POU2F2: variants seen among roughly 807,000 people sequenced by gnomAD.
POU2F2 encodes POU domain, class 2, transcription factor 2.
In POU2F2, 14 loss-of-function variants were observed where a neutral mutation model predicts 63.5. That is an observed-to-expected ratio of 0.22 (90% confidence interval 0.15 to 0.34). The LOEUF (loss-of-function observed/expected upper bound fraction) is 0.34. Ranked by LOEUF, POU2F2 falls within the 10% of genes least tolerant of loss-of-function variation. The probability of loss-of-function intolerance (pLI) is 1.00; values close to 1 mark genes in which losing one functional copy is unlikely to be tolerated. For synonymous variants in POU2F2, 306 were observed against 348.6 expected (o/e 0.88, Z 1.36); for missense variants, 607 against 815.2 (o/e 0.74, Z 3.11).
rs1469168142 is a variant in POU2F2 at position 42,091,286 on chromosome 19, C to T, written c.1846G>A (p.Gly616Arg). The change falls in exon 15 of 15, where the codon GGG becomes AGG. Residue 616 changes from glycine to arginine, a missense_variant. By Grantham distance (125) the Gly-to-Arg change is moderately radical (BLOSUM62 -2). Coordinates refer to ENST00000692977, the MANE Select transcript of POU2F2 (RefSeq NM_001394376.1). ...TCAGGTTTGGACCCTGCCTCGGGCC[C>T]CCCTGGACCTCCAGGGGTCTGTGCT... The part of the protein sequence containing the change: ...TAAQTPGGPG[G>R]PEAGSKPE The T allele has an allele frequency of 6.5e-7, 1 of 1,533,420 alleles. No homozygotes were observed. The highest frequency in any genetic ancestry group is 2.0e-5 in the Admixed American group (1 of 50,948). 95.0% of individuals were successfully genotyped at this position (1,533,420 alleles called of 1,614,324 possible).
chr19:42,190,112 T>C (rs747377902), intron 1 of POU2F2, among the ~76,000 whole-genome samples: 2 of 151,822 alleles, frequency 1.3e-5, no homozygotes, highest in Non-Finnish European at 2.9e-5. Flanking sequence ...AGAGGGAAGG[T>C]GTGGAAACAG....
chr19:42,100,008 TTC>T (rs1568988675), intron 5 of POU2F2, among the ~76,000 whole-genome samples, 187 bp from the exon 6 acceptor site: 1 of 151,442 alleles, frequency 6.6e-6, no homozygotes, highest in African/African-American at 2.4e-5. Context: ...ACCCAGAGGC[TTC>T]TCTCTACCAT....
In POU2F2 at chr19:42,087,676, G is replaced by A. The variant is rs1280859853; in HGVS notation, c.*3581C>T. 2 of 151,288 alleles carry A rather than the reference G, an allele frequency of 1.3e-5. No individual in the cohort carries two copies. The highest frequency in any genetic ancestry group is 2.9e-5 in the Non-Finnish European group (2 of 67,898). 9.4% of individuals were successfully genotyped at this position (151,288 alleles called of 1,614,324 possible). On this transcript the variant is annotated 3_prime_UTR_variant, in exon 15 of 15. Coordinates refer to ENST00000692977, the MANE Select transcript of POU2F2 (RefSeq NM_001394376.1). ...TCTCTGTCCCTCCCTTAAGTAGGAGGTCAGGGTTGGGGAGAAGAGAAATTC... is the reference window on the plus strand; with the variant it reads ...TCTCTGTCCCTCCCTTAAGTAGGAGATCAGGGTTGGGGAGAAGAGAAATTC...
chr19:42,131,328 C>T (rs2033709890), intron 1 of POU2F2, among the ~76,000 whole-genome samples: 1 of 152,136 alleles, frequency 6.6e-6, no homozygotes, highest in Non-Finnish European at 1.5e-5. Context: ...CACAGAACTA[C>T]TCAATAGATA....
Position 42,090,929 on chromosome 19 carries a change from T to A in POU2F2, c.*328A>T, listed in dbSNP as rs1345840482. 4.6e-6 allele frequency: 1 copy of A among 215,084 alleles called. No individual in the cohort carries two copies. The highest frequency in any genetic ancestry group is 9.2e-6 in the Non-Finnish European group (1 of 108,874). 13.3% of individuals were successfully genotyped at this position (215,084 alleles called of 1,614,324 possible). On this transcript the variant is annotated 3_prime_UTR_variant, in exon 15 of 15. Transcript: ENST00000692977. This position sits in a 1 kb window ranked among gnomAD's most constrained non-coding sequence, Gnocchi z 4.4. The stretch of plus-strand genomic sequence containing the variant: ...AGCAGTGAGGGTGAGCACGCTGAGG[T>A]CTGGCTCGCGACTGGTTTTTTGGTT...
intron 1 of POU2F2, among the ~76,000 whole-genome samples, chr19:42,183,290 T>TA (rs997475282): frequency 6.6e-6 from 1 of 152,160 alleles, no homozygotes; most frequent in African/African-American, 2.4e-5. Flanking sequence ...CAGTTACTGA[T>TA]ACACACAGCA....
intron 1 of POU2F2, among the ~76,000 whole-genome samples, chr19:42,195,311 T>C (rs2035129025): frequency 6.7e-6 from 1 of 150,066 alleles, no homozygotes; most frequent in Non-Finnish European, 1.5e-5. Flanking sequence ...TTCCTTCCCT[T>C]CCTTCCCTCC....
In POU2F2 at chr19:42,162,074, A is replaced by T. The variant is rs141647045; in HGVS notation, c.-69-1682T>A. ...ATTGGTGTAAGTGATGGGGTGGGCGAGGGAATCCCCAGGCCTCGGGGGGGC... is the reference window on the plus strand; with the variant it reads ...ATTGGTGTAAGTGATGGGGTGGGCGTGGGAATCCCCAGGCCTCGGGGGGGC... On this transcript the variant is annotated intron_variant, in intron 1 of 6. Coordinates refer to the POU2F2 transcript ENST00000524801. This position sits in a 1 kb window ranked among gnomAD's most constrained non-coding sequence, Gnocchi z 4.1. Among the ~76,000 whole-genome samples, 1,893 of 152,174 alleles carry T rather than the reference A, an allele frequency of 0.012. 21 individuals carry two copies. Among genetic ancestry groups the T allele is most frequent in the Non-Finnish European group, 0.019 (1,313 of 67,994 alleles).
At chr19:42,186,927 A>G (rs1466254878) in intron 1 of POU2F2, among the ~76,000 whole-genome samples, 3 of 152,154 alleles carry the variant, frequency 2.0e-5, no homozygotes, top group Admixed American at 1.3e-4. Flanking sequence ...TGAACCTCTT[A>G]TATCTGAGGT....
chr19:42,133,174 C>G (rs926796205), upstream of POU2F2: 1 of 152,160 alleles, frequency 6.6e-6, no homozygotes, highest in Non-Finnish European at 1.5e-5. The surrounding 1 kb of genome is among the most constrained non-coding windows in gnomAD (Gnocchi z 5.1). Context: ...AGGGGAGCAC[C>G]AGGTCCCCGG....
At chr19:42,132,076 C>A (rs1267684912) in intron 1 of POU2F2, among the ~76,000 whole-genome samples, 3 of 152,194 alleles carry the variant, frequency 2.0e-5, no homozygotes, top group African/African-American at 7.2e-5. Flanking sequence ...ATGTCACCCA[C>A]CCCACTGGTT....
At chr19:42,158,543 C>G (rs2034498063) in intron 2 of POU2F2, among the ~76,000 whole-genome samples, 1 of 152,212 alleles carries the variant, frequency 6.6e-6, no homozygotes, top group Non-Finnish European at 1.5e-5. Context: ...GGTGCCAACA[C>G]CCACTTCACA....
chr19:42,181,412 T>G (rs777985149), intron 1 of POU2F2, among the ~76,000 whole-genome samples: 6 of 152,230 alleles, frequency 3.9e-5, no homozygotes, highest in Non-Finnish European at 7.3e-5. Flanking sequence ...TGCATGTACA[T>G]GGCTCTTCCT....
Position 42,092,398 on chromosome 19 carries a change from G to A in POU2F2, c.1265-128C>T. 1 of 735,612 alleles carries A rather than the reference G, an allele frequency of 1.4e-6. No homozygotes were observed. Among genetic ancestry groups the A allele is most frequent in the South Asian group, 1.6e-5 (1 of 64,144 alleles). The allele number at this position is 735,612 out of a possible 1,614,324, so 45.6% of individuals were successfully genotyped here. A position where few individuals can be genotyped will look rare whatever the true frequency, so the allele number is the denominator to read the frequency against. The stretch of plus-strand genomic sequence containing the variant: ...CATCTCCTCAGTCAGAACAGCCTTA[G>A]ACCTCCCTGCCCTCTCTTCCCAGAG... On this transcript the variant is annotated intron_variant, in intron 12 of 14. Coordinates refer to ENST00000692977, the MANE Select transcript of POU2F2 (RefSeq NM_001394376.1). This position sits in a 1 kb window ranked among gnomAD's most constrained non-coding sequence, Gnocchi z 5.0.
intron 1 of POU2F2, among the ~76,000 whole-genome samples, chr19:42,174,571 C>T (rs893680233): frequency 1.3e-5 from 2 of 151,328 alleles, no homozygotes; most frequent in Non-Finnish European, 2.9e-5. Flanking sequence ...AGTACCCAAC[C>T]CCCCACTGAA....
chr19:42,179,853 C>A (rs146698905), upstream of POU2F2, among the ~76,000 whole-genome samples: 1 of 152,162 alleles, frequency 6.6e-6, no homozygotes, highest in African/African-American at 2.4e-5. Context: ...ACTCCCTGTA[C>A]GGAGCAGCCT....
rs2032130352 is a variant in POU2F2, at chr19:42,117,872, C to T, written c.187-440G>A. 6.6e-6 allele frequency among the ~76,000 whole-genome samples: 1 copy of T among 151,380 alleles called. No homozygotes were observed. The highest frequency in any genetic ancestry group is 1.5e-5 in the Non-Finnish European group (1 of 67,892). ...ACCTGGGAGGTCAAATAAGTGGCTT[C>T]TGGGTCCCACACCCTTCATCTGTAT... On this transcript the variant is annotated intron_variant, in intron 4 of 14. Transcript: ENST00000692977. The surrounding 1 kb of genome is among the most constrained non-coding windows in gnomAD (Gnocchi z 4.4).
At chr19:42,164,556 G>A (rs2034612469) in intron 1 of POU2F2, among the ~76,000 whole-genome samples, 1 of 150,378 alleles carries the variant, frequency 6.6e-6, no homozygotes, top group Non-Finnish European at 1.5e-5. Context: ...AGGTGACAGT[G>A]CGAGACTCTG....
intron 2 of POU2F2, among the ~76,000 whole-genome samples, chr19:42,147,709 T>C (rs1251737439): frequency 6.6e-6 from 1 of 152,102 alleles, no homozygotes; most frequent in Non-Finnish European, 1.5e-5. Flanking sequence ...TAATAATTCC[T>C]CCTTTACAAG....
Sources: allele counts gnomAD v4.1 joint callset (sites outside exome capture counted in the v4.1 genomes callset), GRCh38; gene constraint gnomAD v4.1.1; non-coding constraint Gnocchi (gnomAD v3.1); transcripts MANE v1.5; gene names NCBI Gene and HGNC (gene_info 2026-07-23, HGNC 2026-07-21).